Variants in PHF21B observed in about 807,000 individuals in gnomAD.
PHF21B encodes the protein PHD finger protein 4.
Under a neutral mutation model 62.2 loss-of-function variants are expected in PHF21B, and 22 were observed. The observed-to-expected ratio is 0.35, with a 90% CI of 0.25 to 0.51. The LOEUF (loss-of-function observed/expected upper bound fraction) is 0.51. PHF21B is among the 20% of genes least tolerant of loss of function. The probability of loss-of-function intolerance (pLI) is 0.97; values close to 1 mark genes in which losing one functional copy is unlikely to be tolerated. For missense variants in PHF21B, 701 were observed against 707.9 expected, an observed-to-expected ratio of 0.99 and a Z score of 0.11; for synonymous variants, 341 against 314.7, an observed-to-expected ratio of 1.08 and a Z score of -0.88.
At chr22:44,914,230 G>C (rs867538296) in intron 4 of PHF21B, 142 bp from the exon 5 acceptor site, 29 of 565,826 alleles carry the variant, frequency 5.1e-5, no homozygotes, top group Middle Eastern at 4.5e-4. Flanking sequence ...CCGGGAACTG[G>C]GTGGTTTGCG....
intron 5 of PHF21B, among the ~76,000 whole-genome samples, chr22:44,903,777 T>A (rs1428200117): frequency 3.3e-5 from 5 of 152,264 alleles, no homozygotes; most frequent in Admixed American, 3.3e-4. Context: ...TTGATGGATG[T>A]ACCTTTAGTA....
chr22:44,881,781 G>A lies in PHF21B; in HGVS notation c.*1305C>T, dbSNP rs542018110. On this transcript the variant is annotated 3_prime_UTR_variant, in exon 13 of 13. Transcript: ENST00000313237. ...CCCGTGGCTCCTGGACGCTTATCCT[G>A]TTGTGCTGAGTCCCTCAGGACTGGG... The A allele has an allele frequency of 1.2e-4, 18 of 152,830 alleles. No individual in the cohort carries two copies. Among genetic ancestry groups the A allele is most frequent in the African/African-American group, 4.1e-4 (17 of 41,582 alleles). The allele number at this position is 152,830 out of a possible 1,614,324, so 9.5% of individuals were successfully genotyped here.
chr22:44,883,661 G>T (rs1446191650), intron 12 of PHF21B, among the ~76,000 whole-genome samples: 3 of 152,090 alleles, frequency 2.0e-5, no homozygotes, highest in Admixed American at 2.0e-4. Flanking sequence ...TCGCCTTTCT[G>T]CTCTTTCTCT....
chr22:44,894,090 C>T (rs1294816288), intron 6 of PHF21B, among the ~76,000 whole-genome samples: 1 of 152,234 alleles, frequency 6.6e-6, no homozygotes. Flanking sequence ...ACCTGCCTCT[C>T]TGTGTGCAGC....
intron 2 of PHF21B, among the ~76,000 whole-genome samples, chr22:44,977,153 AAAAAT>A (rs1340420019): frequency 6.6e-6 from 1 of 152,200 alleles, no homozygotes; most frequent in Non-Finnish European, 1.5e-5. Flanking sequence ...GAAGAAAGGA[AAAAAT>A]AAAATAAATA....
chr22:44,892,868 C>G (rs1259354134), intron 7 of PHF21B, among the ~76,000 whole-genome samples: 1 of 152,186 alleles, frequency 6.6e-6, no homozygotes. Context: ...GGGAGAGGCC[C>G]TTGTGCTCCC....
rs547581237 is a variant in PHF21B, at chr22:44,882,781, G to A, written c.*305C>T. The A allele has an allele frequency of 8.4e-4, 284 of 337,698 alleles. No individual in the cohort carries two copies. The highest frequency in any genetic ancestry group is 5.8e-3 in the African/African-American group (274 of 46,868). The allele number at this position is 337,698 out of a possible 1,614,324, so 20.9% of individuals were successfully genotyped here. ...CAACGGGCCAGAGGGAGGCCGTGGA[G>A]AGCAGGGCCTGGAAGCCAGAGGCCC... On this transcript the variant is annotated 3_prime_UTR_variant, in exon 13 of 13. Coordinates refer to ENST00000313237, the MANE Select transcript of PHF21B (RefSeq NM_138415.5).
intron 2 of PHF21B, among the ~76,000 whole-genome samples, chr22:44,935,518 G>A (rs2071828079): frequency 1.3e-5 from 2 of 152,170 alleles, no homozygotes; most frequent in African/African-American, 2.4e-5. Context: ...GGAGGCTGAG[G>A]CAGGAGAATG....
intron 2 of PHF21B, among the ~76,000 whole-genome samples, chr22:44,957,954 G>T (rs574884403): frequency 7.3e-5 from 11 of 150,446 alleles, no homozygotes; most frequent in Non-Finnish European, 1.5e-4. Flanking sequence ...CCAGGCTGGA[G>T]TGCAATGGCG....
rs2070887999 is a variant in PHF21B at position 44,887,886 on chromosome 22, CT to C, written c.1197+76del. On this transcript the variant is annotated intron_variant, in intron 10 of 12. Coordinates refer to ENST00000313237, the MANE Select transcript of PHF21B (RefSeq NM_138415.5). ...TATACCCAAGCCCCTTTTTTCACCC[CT>C]CCTCTGCCCTGTCTCTGCCTACGGT... The C allele has an allele frequency of 4.6e-6, 6 of 1,315,580 alleles. No homozygotes were observed. In the East Asian group the frequency reaches 1.8e-4, roughly 40 times the overall value. The allele number at this position is 1,315,580 out of a possible 1,614,324, so 81.5% of individuals were successfully genotyped here.
chr22:44,988,796 A>G (rs1285008967), intron 2 of PHF21B, among the ~76,000 whole-genome samples: 1 of 152,242 alleles, frequency 6.6e-6, no homozygotes, highest in Non-Finnish European at 1.5e-5. Flanking sequence ...ACACCAAAAG[A>G]TTAGACTGGG....
In PHF21B at chr22:44,883,272, G is replaced by C; in HGVS notation, c.1410C>G (p.Ala470=). The C allele has an allele frequency of 6.2e-7, 1 of 1,613,836 alleles. No individual in the cohort carries two copies. The highest frequency in any genetic ancestry group is 1.1e-5 in the South Asian group (1 of 91,074). ...KCLELKTSLL[A]RQRGTQSSLD... is the part of the protein sequence containing the mutation. ...GGGATGACTGGGTGCCCCTCTGGCG[G>C]GCCAGCAGGCTTGTCTTCAACTCCA... Residue 470 remains alanine, a synonymous_variant, in exon 13 of 13, where the codon GCC becomes GCG. Coordinates refer to ENST00000313237, the MANE Select transcript of PHF21B (RefSeq NM_138415.5).
At chr22:44,941,073 T>G (rs1002701712) in intron 2 of PHF21B, among the ~76,000 whole-genome samples, 1 of 152,206 alleles carries the variant, frequency 6.6e-6, no homozygotes, top group African/African-American at 2.4e-5. Context: ...CGCAGCGCCA[T>G]GCAGTCCTGA....
Position 44,920,385 on chromosome 22 carries a change from G to C in PHF21B, c.213+13C>G, listed in dbSNP as rs767672934. On this transcript the variant is annotated intron_variant, in intron 3 of 12. Transcript: ENST00000313237. ...CAGACGGACACCCCAGGGCCCGCCCGAGGGCTGCTTACCTGAGGTAGCACT... is the reference window on the plus strand; with the variant it reads ...CAGACGGACACCCCAGGGCCCGCCCCAGGGCTGCTTACCTGAGGTAGCACT... The C allele has an allele frequency of 1.3e-6, 2 of 1,599,726 alleles. No homozygotes were observed. The highest frequency in any genetic ancestry group is 1.7e-6 in the Non-Finnish European group (2 of 1,171,232).
chr22:44,943,005 C>G (rs908264880), intron 2 of PHF21B, among the ~76,000 whole-genome samples: 19 of 151,372 alleles, frequency 1.3e-4, no homozygotes, highest in Middle Eastern at 3.4e-3. Flanking sequence ...ACCCCCCCCC[C>G]CCCATCCTCA....
chr22:44,986,531 A>G (rs1301532027), intron 2 of PHF21B, among the ~76,000 whole-genome samples: 1 of 151,254 alleles, frequency 6.6e-6, no homozygotes, highest in African/African-American at 2.4e-5. Context: ...CAAAAAAAAA[A>G]AAAAAAAAAA....
intron 2 of PHF21B, among the ~76,000 whole-genome samples, chr22:44,996,632 C>G (rs2073126698): frequency 6.6e-6 from 1 of 151,840 alleles, no homozygotes; most frequent in Admixed American, 6.6e-5. Flanking sequence ...CTCTAGATCA[C>G]TCTCTAAAGC....
intron 2 of PHF21B, among the ~76,000 whole-genome samples, chr22:44,961,649 TG>T (rs760175840): frequency 4.8e-4 from 73 of 152,192 alleles, no homozygotes; most frequent in Non-Finnish European, 9.1e-4. Context: ...AAGACCAGCC[TG>T]GTCAACATGG....
intron 5 of PHF21B, among the ~76,000 whole-genome samples, chr22:44,897,154 G>A (rs2071075940): frequency 6.6e-6 from 1 of 151,978 alleles, no homozygotes; most frequent in African/African-American, 2.4e-5. Flanking sequence ...TTATAGACGT[G>A]GGCCACCATG....
Sources: allele counts gnomAD v4.1 joint callset (sites outside exome capture counted in the v4.1 genomes callset), GRCh38; gene constraint gnomAD v4.1.1; transcripts MANE v1.5; gene names NCBI Gene and HGNC (gene_info 2026-07-23, HGNC 2026-07-21).